Variants in MCU observed in about 807,000 individuals in gnomAD.
The protein encoded by MCU is calcium uniporter protein, mitochondrial.
In MCU, 12 loss-of-function variants were observed where a neutral mutation model predicts 45.2. The ratio of observed to expected loss-of-function variants is 0.27; its 90% confidence interval spans 0.17 to 0.43. The LOEUF is 0.43. Ranked by LOEUF, MCU falls within the 20% of genes least tolerant of loss-of-function variation. The pLI is 1.00. For synonymous variants in MCU, 160 were observed against 165.1 expected, an observed-to-expected ratio of 0.97 and a Z score of 0.24; for missense variants, 324 against 436.7, an observed-to-expected ratio of 0.74 and a Z score of 2.30.
intron 1 of MCU, among the ~76,000 whole-genome samples, chr10:72,716,940 G>A (rs1214844320): frequency 6.6e-6 from 1 of 152,094 alleles, no homozygotes; most frequent in African/African-American, 2.4e-5. Flanking sequence ...TCAGGGTAAT[G>A]GAAATTGAGG....
intron 1 of MCU, among the ~76,000 whole-genome samples, chr10:72,816,194 A>C (rs1284317705): frequency 6.6e-6 from 1 of 152,132 alleles, no homozygotes; most frequent in Non-Finnish European, 1.5e-5. Flanking sequence ...TAAACTCTAG[A>C]GGGATCTTTT....
At chr10:72,840,546 G>T (rs942811837) in intron 2 of MCU, among the ~76,000 whole-genome samples, 1 of 152,036 alleles carries the variant, frequency 6.6e-6, no homozygotes, top group Non-Finnish European at 1.5e-5. Flanking sequence ...TGTCATTATT[G>T]TATTGAGGAC....
At chr10:72,699,391 C>T (rs1042299621) in intron 1 of MCU, among the ~76,000 whole-genome samples, 1 of 151,880 alleles carries the variant, frequency 6.6e-6, no homozygotes, top group African/African-American at 2.4e-5. Flanking sequence ...CCTGTAATCC[C>T]AACTACTCGG....
At chr10:72,710,010 C>A (rs1156586294) in intron 1 of MCU, among the ~76,000 whole-genome samples, 1 of 152,180 alleles carries the variant, frequency 6.6e-6, no homozygotes, top group East Asian at 1.9e-4. Flanking sequence ...AAGTCTCGAT[C>A]TGTCGCCCAG....
At chr10:72,847,908 C>A (rs1430244897) in intron 2 of MCU, among the ~76,000 whole-genome samples, 1 of 152,162 alleles carries the variant, frequency 6.6e-6, no homozygotes, top group Admixed American at 6.5e-5. Context: ...TGGGCTTCTC[C>A]ATAGGGCTGC....
intron 6 of MCU, among the ~76,000 whole-genome samples, chr10:72,883,225 G>C (rs1002933700): frequency 1.1e-4 from 16 of 152,124 alleles, no homozygotes; most frequent in Admixed American, 1.3e-4. Flanking sequence ...TGGGGGTTTG[G>C]GGGGAGAGGA....
rs1323273016 is a variant in MCU, at chr10:72,693,193, T to A, written c.150+892T>A. On this transcript the variant is annotated intron_variant, in intron 1 of 7. Coordinates refer to ENST00000373053, the MANE Select transcript of MCU (RefSeq NM_138357.3). Reference sequence around the variant, plus strand: ...GGGTGAGTGTGTGTGTGTGTGTGTGTGTGTGTGAGAGAGAGAGAGACAGAG... The same window carrying A: ...GGGTGAGTGTGTGTGTGTGTGTGTGAGTGTGTGAGAGAGAGAGAGACAGAG... The A allele has an allele frequency of 1.6e-3, 1,509 of 924,640 alleles. 17 individuals are homozygous for A. In the African/African-American group the frequency reaches 0.024, roughly 15 times the overall value. 57.3% of individuals were successfully genotyped at this position (924,640 alleles called of 1,614,324 possible). A position where few individuals can be genotyped will look rare whatever the true frequency, so the allele number is the denominator to read the frequency against.
At chr10:72,858,409 C>T (rs1049069530) in intron 2 of MCU, among the ~76,000 whole-genome samples, 9 of 152,108 alleles carry the variant, frequency 5.9e-5, no homozygotes, top group African/African-American at 1.2e-4. Context: ...AACCACTCCA[C>T]GGTCGGTGGC....
At chr10:72,714,345 CTTTTT>C (rs1160353409) in intron 1 of MCU, among the ~76,000 whole-genome samples, 26 of 54,750 alleles carry the variant, frequency 4.7e-4, no homozygotes, top group African/African-American at 1.2e-3. Context: ...CCGCCCTGGT[CTTTTT>C]TTTTTTTTTT....
At chr10:72,820,685 T>C (rs1446100833) in intron 1 of MCU, among the ~76,000 whole-genome samples, 3 of 152,136 alleles carry the variant, frequency 2.0e-5, no homozygotes, top group Non-Finnish European at 2.9e-5. Flanking sequence ...TAATTTTTTG[T>C]ATTTTTAGTA....
intron 3 of MCU, among the ~76,000 whole-genome samples, chr10:72,859,735 T>C (rs1845348085): frequency 6.6e-6 from 1 of 152,170 alleles, no homozygotes; most frequent in African/African-American, 2.4e-5. Flanking sequence ...AATAAAGAAG[T>C]ATATAATTTG....
intron 7 of MCU, among the ~76,000 whole-genome samples, chr10:72,885,140 T>A (rs1375919458): frequency 6.6e-6 from 1 of 152,192 alleles, no homozygotes; most frequent in Non-Finnish European, 1.5e-5. Flanking sequence ...TCTGTCTTCC[T>A]TTGCTATGTA....
At chr10:72,844,721 T>C (rs1845095781) in intron 2 of MCU, among the ~76,000 whole-genome samples, 1 of 152,190 alleles carries the variant, frequency 6.6e-6, no homozygotes, top group South Asian at 2.1e-4. Context: ...CAAAAAAGCA[T>C]ATAGACTTTT....
chr10:72,711,586 T>G (rs1156915109), intron 1 of MCU, among the ~76,000 whole-genome samples: 1 of 151,638 alleles, frequency 6.6e-6, no homozygotes, highest in African/African-American at 2.4e-5. Context: ...GGCTCATACT[T>G]ATAATACCAG....
chr10:72,743,949 A>C (rs1843372887), intron 1 of MCU, among the ~76,000 whole-genome samples: 1 of 152,020 alleles, frequency 6.6e-6, no homozygotes, highest in African/African-American at 2.4e-5. Flanking sequence ...CCAGAAATCC[A>C]GCCATTTGTG....
intron 1 of MCU, among the ~76,000 whole-genome samples, chr10:72,779,920 C>A (rs118128633): frequency 1.3e-5 from 2 of 152,258 alleles, no homozygotes; most frequent in Non-Finnish European, 2.9e-5. Context: ...AGCAATTCTA[C>A]TTGTAAATAT....
intron 1 of MCU, among the ~76,000 whole-genome samples, chr10:72,775,458 A>T (rs1238110374): frequency 1.3e-5 from 2 of 152,156 alleles, no homozygotes; most frequent in Non-Finnish European, 2.9e-5. Flanking sequence ...AATTTAAGTA[A>T]ACAACGCACC....
chr10:72,693,037 TG>T, intron 1 of MCU: 1 of 1,535,968 alleles, frequency 6.5e-7, no homozygotes, highest in Non-Finnish European at 8.7e-7. Context: ...GCGGGAAGGG[TG>T]GTCAGCAGGC....
chr10:72,842,200 A>G (rs1845058339), intron 2 of MCU, among the ~76,000 whole-genome samples: 1 of 152,208 alleles, frequency 6.6e-6, no homozygotes, highest in Admixed American at 6.5e-5. Context: ...TGAATTTTCT[A>G]CTACTTGAAG....
Sources: allele counts gnomAD v4.1 joint callset (sites outside exome capture counted in the v4.1 genomes callset), GRCh38; gene constraint gnomAD v4.1.1; transcripts MANE v1.5; gene names NCBI Gene and HGNC (gene_info 2026-07-23, HGNC 2026-07-21).